DNM2: variants seen among roughly 807,000 people sequenced by gnomAD.
The protein encoded by DNM2 is dynamin 2.
Under a neutral mutation model 99.0 loss-of-function variants are expected in DNM2, and 15 were observed. The ratio of observed to expected loss-of-function variants is 0.15; its 90% confidence interval spans 0.10 to 0.23. The LOEUF is 0.23. Ranked by LOEUF, DNM2 falls within the 10% of genes least tolerant of loss-of-function variation. The probability of loss-of-function intolerance (pLI) is 1.00; values close to 1 mark genes in which losing one functional copy is unlikely to be tolerated. For missense variants in DNM2, 742 were observed against 1,189.4 expected (o/e 0.62, Z 5.53); for synonymous variants, 525 against 481.2 (o/e 1.09, Z -1.19).
intron 15 of DNM2, 31 bp from the exon 16 acceptor site, chr19:10,819,949 C>T: frequency 6.2e-7 from 1 of 1,611,594 alleles, no homozygotes; most frequent in Non-Finnish European, 8.5e-7. Context: ...ACGTGGACCG[C>T]TCAGGGTGAC....
Position 10,808,895 on chromosome 19 carries a change from T to A in DNM2, c.1557+315T>A, listed in dbSNP as rs369210473. On this transcript the variant is annotated intron_variant, in intron 14 of 20. Transcript: ENST00000389253. The stretch of plus-strand genomic sequence containing the variant: ...CACACCGCCCCTGCCTCCCCTCACA[T>A]CCCTGGCTGTGGAAGATCTCGCTTA... The A allele has an allele frequency of 3.1e-4, 105 of 338,982 alleles. 1 individual carries two copies. In the East Asian group the frequency reaches 3.7e-3, roughly 12 times the overall value. 21.0% of individuals were successfully genotyped at this position (338,982 alleles called of 1,614,324 possible).
Position 10,802,337 on chromosome 19 carries a change from A to T in DNM2, c.1472A>T (p.Glu491Val). The change falls in exon 12 of 21, where the codon GAG becomes GTG. Residue 491 changes from glutamate (E) to valine (V), a missense_variant. Glu to Val is a moderately radical substitution (Grantham distance 121). Coordinates refer to ENST00000389253, the MANE Select transcript of DNM2 (RefSeq NM_001005361.3). ...IEQSYINTNH[E>V]DFIGFANAQQ... ...CAGTCCTACATCAACACGAACCATG[A>T]GGACTTCATCGGGTTTGCCAAGTAG... 1 of 1,614,162 alleles carries T rather than the reference A, an allele frequency of 6.2e-7. No homozygotes were observed. The highest frequency in any genetic ancestry group is 8.5e-7 in the Non-Finnish European group (1 of 1,180,024).
intron 5 of DNM2, among the ~76,000 whole-genome samples, chr19:10,779,494 C>CTTTTT (rs1568296122): frequency 1.3e-5 from 1 of 75,582 alleles, no homozygotes; most frequent in Non-Finnish European, 2.6e-5. Context: ...TTCTTTCTTT[C>CTTTTT]TTTCTTTCTT....
intron 1 of DNM2, among the ~76,000 whole-genome samples, chr19:10,747,994 C>T (rs551863111): frequency 6.6e-6 from 1 of 152,162 alleles, no homozygotes; most frequent in South Asian, 2.1e-4. Flanking sequence ...TGGTGTGTTT[C>T]GGGAACATGG....
chr19:10,799,101 C>T (rs1215041439), intron 11 of DNM2, among the ~76,000 whole-genome samples: 1 of 152,200 alleles, frequency 6.6e-6, no homozygotes, highest in East Asian at 1.9e-4. Flanking sequence ...GTGGCGCATG[C>T]CTGTGGTCCC....
chr19:10,731,667 T>C (rs1418301419), intron 1 of DNM2, among the ~76,000 whole-genome samples: 2 of 152,184 alleles, frequency 1.3e-5, no homozygotes, highest in African/African-American at 4.8e-5. Context: ...AGGTTGTTCT[T>C]TTCTACATCA....
rs990986317 is a variant in DNM2, at chr19:10,817,442, G to A, written c.1672-2538G>A. Reference sequence around the variant, plus strand: ...CCAAGCCCAGCCTAACCAATGTGCAGACTACTGTACACATTGAGAGCCTCC... The same window carrying A: ...CCAAGCCCAGCCTAACCAATGTGCAAACTACTGTACACATTGAGAGCCTCC... On this transcript the variant is annotated intron_variant, in intron 15 of 20. Transcript: ENST00000389253. The surrounding 1 kb of genome is among the most constrained non-coding windows in gnomAD (Gnocchi z 4.6). 2 of 514,446 alleles carry A rather than the reference G, an allele frequency of 3.9e-6. No homozygotes were observed. The highest frequency in any genetic ancestry group is 1.1e-4 in the East Asian group (2 of 17,458). 31.9% of individuals were successfully genotyped at this position (514,446 alleles called of 1,614,324 possible).
chr19:10,786,542 A>T, intron 6 of DNM2, 22 bp from the exon 7 acceptor site: 1 of 1,613,244 alleles, frequency 6.2e-7, no homozygotes, highest in Non-Finnish European at 8.5e-7. Flanking sequence ...ACCCTTTCTG[A>T]TCTCTGACCT....
chr19:10,760,601 A>G (rs148634239), intron 2 of DNM2, among the ~76,000 whole-genome samples: 135 of 152,046 alleles, frequency 8.9e-4, no homozygotes, highest in African/African-American at 3.0e-3. Context: ...GCTCAATCCA[A>G]TGCTATACTC....
At chr19:10,742,041 G>A (rs1308074511) in intron 1 of DNM2, among the ~76,000 whole-genome samples, 1 of 150,624 alleles carries the variant, frequency 6.6e-6, no homozygotes, top group East Asian at 2.0e-4. Flanking sequence ...CTTGATTGCA[G>A]CATCATGAGA....
chr19:10,746,727 G>GTTTTTTT lies in DNM2; in HGVS notation c.162-13005_162-13004insTTTTTTT, dbSNP rs757494612. Among the ~76,000 whole-genome samples, 20 of 116,210 alleles carry GTTTTTTT rather than the reference G, an allele frequency of 1.7e-4. 2 individuals are homozygous for GTTTTTTT. The highest frequency in any genetic ancestry group is 2.8e-4 in the African/African-American group (8 of 28,894). The allele number at this position is 116,210 out of a possible 152,430, so 76.2% of individuals were successfully genotyped here. A position where few individuals can be genotyped will look rare whatever the true frequency, so the allele number is the denominator to read the frequency against. ...GAGCAACCGTGCCGGCTTTTTTTTTGTTTTTTGTTTTTTTTTTTTTTGAGA... is the reference window on the plus strand; with the variant it reads ...GAGCAACCGTGCCGGCTTTTTTTTTGTTTTTTTTTTTTTGTTTTTTTTTTTTTTGAGA... On this transcript the variant is annotated intron_variant, in intron 1 of 20. Coordinates refer to ENST00000389253, the MANE Select transcript of DNM2 (RefSeq NM_001005361.3).
intron 15 of DNM2, among the ~76,000 whole-genome samples, chr19:10,813,009 G>A (rs1478093699): frequency 6.6e-6 from 1 of 152,230 alleles, no homozygotes; most frequent in Non-Finnish European, 1.5e-5. Flanking sequence ...ATGCCCAAGG[G>A]TCAGGGGCTC....
intron 16 of DNM2, among the ~76,000 whole-genome samples, chr19:10,822,218 C>T (rs1159858225): frequency 1.3e-5 from 2 of 149,284 alleles, no homozygotes; most frequent in East Asian, 2.0e-4. Flanking sequence ...TGGAGTCTTC[C>T]TCTGTCACCC....
intron 11 of DNM2, 40 bp downstream of exon 11, chr19:10,798,612 T>G: frequency 6.3e-7 from 1 of 1,599,860 alleles, no homozygotes; most frequent in Admixed American, 1.7e-5. Context: ...ATAATTTACA[T>G]GCAGTAAATG....
At chr19:10,801,987 C>A (rs2072166216) in intron 11 of DNM2, among the ~76,000 whole-genome samples, 1 of 152,042 alleles carries the variant, frequency 6.6e-6, no homozygotes, top group African/African-American at 2.4e-5. Context: ...CCCCATTCCA[C>A]AGCTCAGTAA....
intron 6 of DNM2, chr19:10,786,336 TG>T: frequency 3.0e-6 from 2 of 666,374 alleles, no homozygotes; most frequent in South Asian, 3.5e-5. Context: ...GTCGGCCCCG[TG>T]GGCTGTTTGT....
At chr19:10,767,092 G>A (rs968321003) in intron 2 of DNM2, among the ~76,000 whole-genome samples, 12 of 152,098 alleles carry the variant, frequency 7.9e-5, no homozygotes, top group African/African-American at 1.4e-4. Flanking sequence ...GGCAGGGACC[G>A]GGACAGGCAG....
rs201034458 is a variant in DNM2, at chr19:10,802,238, C to G, written c.1423-50C>G. On this transcript the variant is annotated intron_variant, in intron 11 of 20. Transcript: ENST00000389253. ...CAGGAAATGCTCTTGCCGCTGCCCC[C>G]CCTTGCCAGGCTTGGCCTTGTACTC... The G allele has an allele frequency of 2.1e-4, 330 of 1,600,666 alleles. 4 individuals are homozygous for G. The East Asian group carries it at 7.0e-3, about 34-fold the overall frequency.
intron 1 of DNM2, among the ~76,000 whole-genome samples, chr19:10,734,339 T>C (rs986609531): frequency 1.8e-4 from 23 of 125,398 alleles, no homozygotes; most frequent in African/African-American, 7.3e-4. Flanking sequence ...GGGGACTCTG[T>C]CTCAAAAAAA....
Sources: allele counts gnomAD v4.1 joint callset (sites outside exome capture counted in the v4.1 genomes callset), GRCh38; gene constraint gnomAD v4.1.1; non-coding constraint Gnocchi (gnomAD v3.1); transcripts MANE v1.5; gene names NCBI Gene and HGNC (gene_info 2026-07-23, HGNC 2026-07-21).